Variants in USP34 observed in about 807,000 individuals in gnomAD.
USP34 encodes the protein ubiquitin specific peptidase 34.
Under a neutral mutation model 460.3 loss-of-function variants are expected in USP34, and 70 were observed. The ratio of observed to expected loss-of-function variants is 0.15; its 90% CI spans 0.13 to 0.19. USP34 has a LOEUF of 0.19. Ranked by LOEUF, USP34 falls within the 10% of genes least tolerant of loss-of-function variation. The probability of loss-of-function intolerance (pLI) is 1.00; values close to 1 mark genes in which losing one functional copy is unlikely to be tolerated. For missense variants in USP34, 3,985 were observed against 4,236.2 expected, an observed-to-expected ratio of 0.94 and a Z score of 1.65; for synonymous variants, 1,647 against 1,405.3, an observed-to-expected ratio of 1.17 and a Z score of -3.85.
At chr2:61,365,515 A>G (rs1001110719) in intron 10 of USP34, among the ~76,000 whole-genome samples, 1 of 152,164 alleles carries the variant, frequency 6.6e-6, no homozygotes, top group African/African-American at 2.4e-5. Context: ...GAGACATTTC[A>G]AGTGTGTACA....
intron 20 of USP34, among the ~76,000 whole-genome samples, chr2:61,326,498 G>T (rs988796767): frequency 3.9e-5 from 6 of 152,122 alleles, no homozygotes; most frequent in Non-Finnish European, 8.8e-5. Flanking sequence ...AAAGTGCTGG[G>T]ATTACAGGTG....
At chr2:61,314,537 G>A (rs1260481159) in intron 25 of USP34, 48 bp downstream of exon 25, 7 of 1,375,040 alleles carry the variant, frequency 5.1e-6, no homozygotes, top group Non-Finnish European at 6.6e-6. Context: ...GGATATGTCA[G>A]GAATAAAAAT....
intron 51 of USP34, among the ~76,000 whole-genome samples, chr2:61,244,420 G>C (rs576453301): frequency 6.6e-6 from 1 of 152,182 alleles, no homozygotes; most frequent in East Asian, 1.9e-4. Flanking sequence ...TTTGAGACCA[G>C]CCTGGCCAAC....
chr2:61,220,349 G>A lies in USP34; in HGVS notation c.8008C>T (p.Arg2670Trp), dbSNP rs1359666451. ...GGATAATTGTGAGCCAAAAGAAACC[G>A]CTCGACCCAGTTTTCCATATTCTGT... ...VLQNMENWVE[R>W]FLLAHNYPRV... The change falls in exon 67 of 80, where the codon CGG becomes TGG. Residue 2670 changes from arginine to tryptophan, a missense_variant. Physicochemically the swap from Arg to Trp is moderately radical, Grantham distance 101. Transcript: ENST00000398571. 1.9e-6 allele frequency: 3 copies of A among 1,613,688 alleles called. No homozygotes were observed. The highest frequency in any genetic ancestry group is 1.7e-5 in the Admixed American group (1 of 59,954).
rs376750422 is a variant in USP34 at position 61,284,906 on chromosome 2, C to G, written c.4801G>C (p.Val1601Leu). The stretch of plus-strand genomic sequence containing the variant: ...GCCAGATTATCATACGTATAAGCAA[C>G]AGACATAAGTCGCTGAATCAAACTG... ...GTSLIQRLMSVAYTYDNLAPR... is the reference protein window; with the variant it reads ...GTSLIQRLMSLAYTYDNLAPR... The change falls in exon 35 of 80, where the codon GTT (valine) becomes CTT (leucine). Residue 1601 changes from valine (V) to leucine (L), a missense_variant. Val to Leu is a conservative substitution (Grantham distance 32, BLOSUM62 1). This residue lies in a region of USP34 where 1,114 missense variants were observed against 1,122.5 expected (regional missense o/e 0.99). Transcript: ENST00000398571. 2.5e-6 allele frequency: 4 copies of G among 1,611,226 alleles called. No individual in the cohort carries two copies. The South Asian group carries it at 4.4e-5, about 18-fold the overall frequency.
chr2:61,296,997 A>T, intron 29 of USP34, 72 bp from the exon 30 acceptor site: 2 of 1,491,778 alleles, frequency 1.3e-6, no homozygotes, highest in Non-Finnish European at 1.8e-6. Context: ...AAATTTTTGC[A>T]TAAAGTAATG....
intron 48 of USP34, among the ~76,000 whole-genome samples, chr2:61,250,825 T>C (rs192894148): frequency 9.2e-5 from 14 of 152,268 alleles, no homozygotes; most frequent in Admixed American, 2.6e-4. Context: ...AAGGGATCAA[T>C]AGGCAAGTCA....
At chr2:61,265,123 G>T (rs759989127) in intron 43 of USP34, 4 of 261,884 alleles carry the variant, frequency 1.5e-5, no homozygotes, top group Non-Finnish European at 2.8e-5. Flanking sequence ...CAGTGAATGC[G>T]TTTTTACTGA....
intron 25 of USP34, among the ~76,000 whole-genome samples, chr2:61,314,352 A>C (rs6545856): frequency 0.029 from 4,341 of 152,172 alleles, 215 homozygotes; most frequent in African/African-American, 0.1. Context: ...ATATCTGCTC[A>C]AACTCTATTA....
At chr2:61,207,068 T>C (rs1687140874) in intron 70 of USP34, 182 bp from the exon 71 acceptor site, 1 of 555,316 alleles carries the variant, frequency 1.8e-6, no homozygotes, top group Admixed American at 3.5e-5. Context: ...CTTTTAAACA[T>C]TCCTCACCTT....
At position 61,347,968 on chromosome 2, in the gene USP34, G is replaced by T. The variant is rs755566095; in HGVS notation, c.2187C>A (p.Phe729Leu). The part of the protein sequence containing the change: ...QESCITRTGD[F>L]LGETIGNELF... ...ATTCATTCCCAATAGTCTCCCCAAG[G>T]AAGTCCCCAGTTCGTGTGATACAAG... Residue 729 changes from phenylalanine to leucine, a missense_variant, in exon 15 of 80, where the codon TTC (phenylalanine) becomes TTA (leucine). Coordinates refer to ENST00000398571, the MANE Select transcript of USP34 (RefSeq NM_014709.4). The T allele has an allele frequency of 6.2e-7, 1 of 1,614,104 alleles. No homozygotes were observed. Among genetic ancestry groups the T allele is most frequent in the Non-Finnish European group, 8.5e-7 (1 of 1,180,024 alleles).
chr2:61,239,925 G>A (rs1012238622), intron 53 of USP34, among the ~76,000 whole-genome samples: 3 of 150,120 alleles, frequency 2.0e-5, no homozygotes, highest in Non-Finnish European at 4.4e-5. Context: ...GCAGGAGAAT[G>A]GCATGAACCC....
At chr2:61,319,401 T>G in intron 21 of USP34, 74 bp from the exon 22 acceptor site, 2 of 1,135,078 alleles carry the variant, frequency 1.8e-6, no homozygotes, top group Non-Finnish European at 2.4e-6. Flanking sequence ...GGCATGTGTA[T>G]GTACAGTAAG....
intron 41 of USP34, among the ~76,000 whole-genome samples, chr2:61,275,231 A>C (rs1454396145): frequency 6.6e-6 from 1 of 152,112 alleles, no homozygotes; most frequent in Non-Finnish European, 1.5e-5. Flanking sequence ...GTGAGCTGAG[A>C]TCATGCCACT....
chr2:61,212,018 T>G (rs1418489759), intron 68 of USP34, 89 bp from the exon 69 acceptor site: 1 of 1,351,946 alleles, frequency 7.4e-7, no homozygotes, highest in African/African-American at 1.5e-5. Context: ...TAATCAACTC[T>G]TAAAATTATA....
At chr2:61,243,524 C>G (rs1020781617) in intron 51 of USP34, among the ~76,000 whole-genome samples, 1 of 149,900 alleles carries the variant, frequency 6.7e-6, no homozygotes, top group Non-Finnish European at 1.5e-5. Context: ...TGAAAAACTA[C>G]TTTTTAAGAG....
chr2:61,348,193 G>A lies in USP34; in HGVS notation c.1962C>T (p.Cys654=). The part of the protein sequence containing the change: ...NRKLESQAGI[C]LGDSQGMSER... ...CTGACATGCCTTGGGAGTCCCCCAG[G>A]CAAATGCCTGCTTGACTCTCTAACT... The change falls in exon 15 of 80, where the codon TGC becomes TGT. Residue 654 remains cysteine (C), a synonymous_variant. Coordinates refer to ENST00000398571, the MANE Select transcript of USP34 (RefSeq NM_014709.4). 1 of 1,614,174 alleles carries A rather than the reference G, an allele frequency of 6.2e-7. No homozygotes were observed. Among genetic ancestry groups the A allele is most frequent in the Non-Finnish European group, 8.5e-7 (1 of 1,180,020 alleles).
chr2:61,328,310 A>T (rs1323913656), intron 20 of USP34, among the ~76,000 whole-genome samples: 2 of 152,000 alleles, frequency 1.3e-5, no homozygotes, highest in African/African-American at 2.4e-5. Flanking sequence ...CAAAAAAAAA[A>T]AAATAAAGTG....
chr2:61,329,227 T>C (rs1337160038), intron 20 of USP34, among the ~76,000 whole-genome samples: 3 of 152,034 alleles, frequency 2.0e-5, no homozygotes, highest in Admixed American at 6.6e-5. Context: ...CGTTTCTCCA[T>C]GTTGGTCAGG....
Sources: gnomAD v4.1 joint callset for allele counts (sites outside exome capture counted in the v4.1 genomes callset) on GRCh38, gnomAD v4.1.1 for gene constraint, gnomAD v4.1.1 regional missense constraint, MANE v1.5 for transcripts, NCBI Gene and HGNC (gene_info 2026-07-23, HGNC 2026-07-21) for gene names.